Variants in NCALD observed in about 807,000 individuals in gnomAD.
NCALD encodes the protein neurocalcin-delta.
In NCALD, 10 loss-of-function variants were observed where a neutral mutation model predicts 18.6. That is an observed-to-expected ratio of 0.54 (90% CI 0.33 to 0.91). The LOEUF (loss-of-function observed/expected upper bound fraction) is 0.91. Ranked by LOEUF, NCALD falls within the 40% of genes least tolerant of loss-of-function variation. NCALD has a pLI of 0.03. For synonymous variants in NCALD, 88 were observed against 87.4 expected (o/e 1.01, Z -0.04); for missense variants, 184 against 247.6 (o/e 0.74, Z 1.72).
rs372249780 is a variant in NCALD at position 101,822,774 on chromosome 8, G to A, written c.-20+64367C>T. On this transcript the variant is annotated intron_variant, in intron 4 of 6. Transcript: ENST00000311028. ...CAACAGTTCCAGTGAGCACAAGTCA[G>A]GGTGCTGGCCCCCCTCTGCCCTTCC... 1.4e-4 allele frequency among the ~76,000 whole-genome samples: 22 copies of A among 152,324 alleles called. No homozygotes were observed. In the South Asian group the frequency reaches 4.4e-3, roughly 30 times the overall value.
intron 2 of NCALD, among the ~76,000 whole-genome samples, chr8:101,698,646 A>T (rs989378373): frequency 2.0e-5 from 3 of 152,320 alleles, no homozygotes; most frequent in East Asian, 1.9e-4. Flanking sequence ...CAACCATCTG[A>T]TCTTTGACAA....
chr8:102,066,719 T>A (rs1824020922), intron 1 of NCALD, among the ~76,000 whole-genome samples: 1 of 152,242 alleles, frequency 6.6e-6, no homozygotes, highest in Non-Finnish European at 1.5e-5. Context: ...TAATTCTTTT[T>A]TGTACTCTGG....
intron 1 of NCALD, among the ~76,000 whole-genome samples, chr8:101,730,657 T>C (rs1169724530): frequency 6.6e-6 from 1 of 152,198 alleles, no homozygotes; most frequent in Non-Finnish European, 1.5e-5. Context: ...GACACAATGG[T>C]TCATAATGTG....
At chr8:101,832,113 A>G (rs893389654) in intron 4 of NCALD, among the ~76,000 whole-genome samples, 1 of 152,200 alleles carries the variant, frequency 6.6e-6, no homozygotes, top group South Asian at 2.1e-4. Context: ...AGTGCTTCCT[A>G]TATACCAGGC....
At chr8:102,054,709 GATAGATAGATATCCT>G (rs1823581706) in intron 1 of NCALD, among the ~76,000 whole-genome samples, 1 of 112,258 alleles carries the variant, frequency 8.9e-6, no homozygotes, top group Non-Finnish European at 1.9e-5. Flanking sequence ...TAGATAGATA[GATAGATAGATATCCT>G]ATAGATAGAT....
At chr8:101,959,444 T>C (rs1183875535) in intron 2 of NCALD, among the ~76,000 whole-genome samples, 2 of 152,190 alleles carry the variant, frequency 1.3e-5, no homozygotes, top group Non-Finnish European at 2.9e-5. Context: ...TTTTGTAATA[T>C]GTAGGTATTT....
chr8:102,003,009 G>T (rs1167728581), intron 2 of NCALD, among the ~76,000 whole-genome samples: 2 of 151,868 alleles, frequency 1.3e-5, no homozygotes, highest in Non-Finnish European at 1.5e-5. Context: ...CTAGCAGAAG[G>T]CAAGAAGTAA....
At chr8:101,910,695 C>A (rs73282614) in intron 3 of NCALD, among the ~76,000 whole-genome samples, 7,018 of 152,134 alleles carry the variant, frequency 0.046, 263 homozygotes, top group African/African-American at 0.1. Context: ...TGTTCTATTC[C>A]CATAATAAAT....
Position 101,809,789 on chromosome 8 carries a change from C to T in NCALD, c.-20+77352G>A, listed in dbSNP as rs146659009. The stretch of plus-strand genomic sequence containing the variant: ...TGAACTCCTGATCTCAAGTGATCTG[C>T]CTGCCTCAGCCTCCCAAAGTGCTGG... On this transcript the variant is annotated intron_variant, in intron 4 of 6. Coordinates refer to the NCALD transcript ENST00000311028. Among the ~76,000 whole-genome samples, 1,274 of 152,290 alleles carry T rather than the reference C, an allele frequency of 8.4e-3. 13 individuals are homozygous for T. Among genetic ancestry groups the T allele is most frequent in the Non-Finnish European group, 0.013 (887 of 68,030 alleles).
chr8:101,706,699 A>G (rs1344109661), intron 2 of NCALD, among the ~76,000 whole-genome samples: 2 of 152,248 alleles, frequency 1.3e-5, no homozygotes, highest in Admixed American at 1.3e-4. Flanking sequence ...AAAATTGGAC[A>G]CAGACACACA....
intron 2 of NCALD, among the ~76,000 whole-genome samples, chr8:101,976,938 G>T (rs922101557): frequency 6.6e-6 from 1 of 151,868 alleles, no homozygotes; most frequent in African/African-American, 2.4e-5. Flanking sequence ...GAAAGAGGAA[G>T]TGGGGGCCAG....
At chr8:101,959,634 C>T (rs1484082931) in intron 2 of NCALD, among the ~76,000 whole-genome samples, 1 of 152,144 alleles carries the variant, frequency 6.6e-6, no homozygotes, top group African/African-American at 2.4e-5. Flanking sequence ...GAGGTCCATC[C>T]AGCAGGCTAC....
At chr8:102,094,199 A>T (rs1825017189) in intron 1 of NCALD, among the ~76,000 whole-genome samples, 1 of 152,218 alleles carries the variant, frequency 6.6e-6, no homozygotes, top group African/African-American at 2.4e-5. Flanking sequence ...GAGAGTTTTT[A>T]CTTCTAAATT....
intron 1 of NCALD, among the ~76,000 whole-genome samples, chr8:102,028,158 G>C (rs1251617490): frequency 1.3e-5 from 2 of 152,130 alleles, no homozygotes; most frequent in African/African-American, 4.8e-5. Context: ...AGTATTCAAG[G>C]GTGAAGTATC....
chr8:102,031,065 G>A (rs1822652955), intron 1 of NCALD, among the ~76,000 whole-genome samples: 1 of 151,894 alleles, frequency 6.6e-6, no homozygotes, highest in Non-Finnish European at 1.5e-5. Flanking sequence ...CAACACAAAT[G>A]TTATGTGCTT....
rs532046864 is a variant in NCALD at position 102,103,934 on chromosome 8, T to C, written c.-210+20303A>G. ...AAAATAAGCTGATAATTTGTTCCAA[T>C]GGACATCTGGGATCATTGTAGCAGG... On this transcript the variant is annotated intron_variant, in intron 1 of 6. Coordinates refer to the NCALD transcript ENST00000311028. 2.6e-5 allele frequency among the ~76,000 whole-genome samples: 4 copies of C among 152,298 alleles called. No individual in the cohort carries two copies. In the East Asian group the frequency reaches 7.7e-4, roughly 29 times the overall value.
chr8:101,886,695 T>G (rs1454367761), intron 4 of NCALD, among the ~76,000 whole-genome samples: 1 of 152,210 alleles, frequency 6.6e-6, no homozygotes, highest in Non-Finnish European at 1.5e-5. Context: ...CAAAAGAATC[T>G]TTTTTGAATT....
At chr8:101,765,527 T>A (rs1304626186) in intron 1 of NCALD, among the ~76,000 whole-genome samples, 1 of 152,212 alleles carries the variant, frequency 6.6e-6, no homozygotes, top group African/African-American at 2.4e-5. Flanking sequence ...AATTAAAAAT[T>A]TTCTTCTTGG....
chr8:102,119,072 T>C (rs659398), intron 1 of NCALD, among the ~76,000 whole-genome samples: 108,324 of 152,022 alleles, frequency 0.71, 38,739 homozygotes, highest in Middle Eastern at 0.77. Flanking sequence ...CACTTCTGGG[T>C]ATATACCCAG....
Sources: allele counts gnomAD v4.1 joint callset (sites outside exome capture counted in the v4.1 genomes callset), GRCh38; gene constraint gnomAD v4.1.1; transcripts MANE v1.5; gene names NCBI Gene and HGNC (gene_info 2026-07-23, HGNC 2026-07-21).